SNX13: variants seen among roughly 807,000 people sequenced by gnomAD.
The protein encoded by SNX13 is sorting nexin-13.
A neutral mutation model predicts 133.6 loss-of-function variants in SNX13; 45 were observed. That is an observed-to-expected ratio of 0.34 (90% confidence interval 0.27 to 0.43). The LOEUF (loss-of-function observed/expected upper bound fraction) is 0.43. Ranked by LOEUF, SNX13 falls within the 20% of genes least tolerant of loss-of-function variation. SNX13 has a pLI of 1.00. For missense variants in SNX13, 1,032 were observed against 1,145.1 expected (o/e 0.90, Z 1.43); for synonymous variants, 414 against 373.9 (o/e 1.11, Z -1.24).
intron 12 of SNX13, among the ~76,000 whole-genome samples, chr7:17,840,501 G>A (rs1789744826): frequency 1.3e-5 from 2 of 151,922 alleles, no homozygotes; most frequent in Admixed American, 1.3e-4. Context: ...AATCCCTCAT[G>A]TACACATGAA....
intron 1 of SNX13, among the ~76,000 whole-genome samples, chr7:17,907,641 A>G (rs1173725489): frequency 6.6e-6 from 1 of 152,152 alleles, no homozygotes; most frequent in African/African-American, 2.4e-5. Flanking sequence ...ATAAGCCATG[A>G]ATGTTTTAGT....
chr7:17,919,139 G>C (rs979900254), intron 1 of SNX13, among the ~76,000 whole-genome samples: 8 of 152,160 alleles, frequency 5.3e-5, no homozygotes, highest in Non-Finnish European at 8.8e-5. Context: ...CTTATTTAGT[G>C]CTGTGTTCAC....
intron 18 of SNX13, among the ~76,000 whole-genome samples, chr7:17,817,811 C>T (rs1170564725): frequency 6.6e-6 from 1 of 152,062 alleles, no homozygotes. Flanking sequence ...TGCAATATGA[C>T]CTATCCACAT....
chr7:17,805,445 T>C (rs1485273911), intron 20 of SNX13, among the ~76,000 whole-genome samples: 2 of 152,070 alleles, frequency 1.3e-5, no homozygotes, highest in Non-Finnish European at 2.9e-5. Context: ...GAAATAAGCA[T>C]TAAGCATGAC....
intron 1 of SNX13, 42 bp from the exon 2 acceptor site, chr7:17,897,488 TC>T: frequency 8.9e-7 from 1 of 1,120,506 alleles, no homozygotes. Context: ...TAAATAATTC[TC>T]CACATGAATT....
rs112224994 is a variant in SNX13 at position 17,812,597 on chromosome 7, C to T, written c.2064+2237G>A. 1.6e-4 allele frequency among the ~76,000 whole-genome samples: 24 copies of T among 152,126 alleles called. 2 individuals are homozygous for T. The highest frequency in any genetic ancestry group is 5.3e-4 in the African/African-American group (22 of 41,512). On this transcript the variant is annotated intron_variant, in intron 20 of 25. Coordinates refer to ENST00000428135, the MANE Select transcript of SNX13 (RefSeq NM_015132.5). The stretch of plus-strand genomic sequence containing the variant: ...TGGAAGACAGTGTGGCAATTCCTCA[C>T]GGATCTAGAACCAGAAATACCATTT...
chr7:17,901,094 T>G (rs1797784158), intron 1 of SNX13, among the ~76,000 whole-genome samples: 1 of 151,910 alleles, frequency 6.6e-6, no homozygotes, highest in Non-Finnish European at 1.5e-5. Context: ...TGGCCAAAGG[T>G]GTGTCTAGAA....
chr7:17,809,237 C>G (rs1785689344), intron 20 of SNX13, among the ~76,000 whole-genome samples: 1 of 126,506 alleles, frequency 7.9e-6, no homozygotes, highest in African/African-American at 3.0e-5. Context: ...CACACATAGG[C>G]TCAAAATAAA....
chr7:17,800,232 C>G (rs765125510), intron 22 of SNX13, among the ~76,000 whole-genome samples: 3 of 151,748 alleles, frequency 2.0e-5, no homozygotes, highest in Non-Finnish European at 4.4e-5. Flanking sequence ...ACATAATAAA[C>G]ATCCTAAAAT....
At chr7:17,842,113 A>G (rs1789973148) in intron 12 of SNX13, among the ~76,000 whole-genome samples, 1 of 152,082 alleles carries the variant, frequency 6.6e-6, no homozygotes, top group Non-Finnish European at 1.5e-5. Context: ...AGGCACGAAT[A>G]TAAACACCCA....
At chr7:17,808,794 C>G (rs1049466425) in intron 20 of SNX13, among the ~76,000 whole-genome samples, 1 of 151,956 alleles carries the variant, frequency 6.6e-6, no homozygotes, top group Non-Finnish European at 1.5e-5. Flanking sequence ...GAGTGAGGGC[C>G]AATATTCAAC....
Position 17,816,202 on chromosome 7 carries a change from C to T in SNX13, c.1933G>A (p.Asp645Asn). The T allele has an allele frequency of 6.5e-7, 1 of 1,537,036 alleles. No homozygotes were observed. The highest frequency in any genetic ancestry group is 8.8e-7 in the Non-Finnish European group (1 of 1,139,964). ...DRDFLEKRKK[D>N]LNAYLQLLLA... ...CTTACCTGCAAATATGCATTTAGAT[C>T]CTTTTTTCTCTTTTCTAAAAAATCT... is the stretch of plus-strand genomic sequence containing the variant. The change falls in exon 19 of 26, where the codon GAT (aspartate) becomes AAT (asparagine). Residue 645 changes from aspartate (D) to asparagine (N), a missense_variant. Coordinates refer to ENST00000428135, the MANE Select transcript of SNX13 (RefSeq NM_015132.5).
At chr7:17,845,778 C>A in intron 11 of SNX13, 84 bp from the exon 12 acceptor site, 1 of 911,692 alleles carries the variant, frequency 1.1e-6, no homozygotes, top group Non-Finnish European at 1.6e-6. Flanking sequence ...GGAAAAAAAT[C>A]AAGCTAAAAC....
At chr7:17,800,582 C>T (rs1784508588) in intron 22 of SNX13, among the ~76,000 whole-genome samples, 1 of 151,722 alleles carries the variant, frequency 6.6e-6, no homozygotes, top group South Asian at 2.1e-4. Context: ...CTCTGTGACC[C>T]TGCAATAGGC....
At chr7:17,801,867 A>G (rs1260035184) in intron 21 of SNX13, among the ~76,000 whole-genome samples, 4 of 152,050 alleles carry the variant, frequency 2.6e-5, no homozygotes, top group African/African-American at 9.7e-5. Flanking sequence ...AAAATAAATG[A>G]CTTTTGAGTT....
chr7:17,934,259 A>G (rs1233820871), intron 1 of SNX13, among the ~76,000 whole-genome samples: 1 of 152,218 alleles, frequency 6.6e-6, no homozygotes, highest in Non-Finnish European at 1.5e-5. Flanking sequence ...CCAGATTACA[A>G]TCAATTGAGG....
chr7:17,934,295 C>G (rs1801778276), intron 1 of SNX13, among the ~76,000 whole-genome samples: 1 of 152,132 alleles, frequency 6.6e-6, no homozygotes, highest in African/African-American at 2.4e-5. Context: ...TATGAAACCA[C>G]AAAATTTCAA....
intron 9 of SNX13, among the ~76,000 whole-genome samples, chr7:17,868,120 A>G (rs1365860007): frequency 1.3e-5 from 2 of 152,308 alleles, no homozygotes; most frequent in East Asian, 3.9e-4. Context: ...GCCATTAAAA[A>G]TACTCATCAT....
At chr7:17,821,436 G>A in intron 18 of SNX13, 73 bp downstream of exon 18, 1 of 1,372,450 alleles carries the variant, frequency 7.3e-7, no homozygotes, top group East Asian at 2.3e-5. Context: ...CTCTATCTGG[G>A]CATCCTCAGA....
Sources: allele counts gnomAD v4.1 joint callset (sites outside exome capture counted in the v4.1 genomes callset), GRCh38; gene constraint gnomAD v4.1.1; transcripts MANE v1.5; gene names NCBI Gene and HGNC (gene_info 2026-07-23, HGNC 2026-07-21).